Variants in LRRFIP2 observed in about 807,000 individuals in gnomAD.
The protein encoded by LRRFIP2 is LRR binding FLII interacting protein 2.
Under a neutral mutation model 125.9 loss-of-function variants are expected in LRRFIP2, and 109 were observed. That is an observed-to-expected ratio of 0.87 (90% CI 0.74 to 1.01). The LOEUF (loss-of-function observed/expected upper bound fraction) is 1.01. LRRFIP2 is among the 50% of genes least tolerant of loss of function. LRRFIP2 has a pLI of 0.00. For missense variants in LRRFIP2, 850 were observed against 862.3 expected (o/e 0.99, Z 0.18); for synonymous variants, 291 against 293.1 (o/e 0.99, Z 0.07).
intron 21 of LRRFIP2, among the ~76,000 whole-genome samples, chr3:37,070,973 T>C (rs1399813558): frequency 8.0e-6 from 1 of 125,164 alleles, no homozygotes; most frequent in Non-Finnish European, 1.9e-5. Flanking sequence ...ATTACCTACT[T>C]TGCCCCACGT....
At chr3:37,171,468 C>G (rs1191538736) in intron 1 of LRRFIP2, among the ~76,000 whole-genome samples, 1 of 151,580 alleles carries the variant, frequency 6.6e-6, no homozygotes, top group Non-Finnish European at 1.5e-5. Context: ...TCTCTAGTGT[C>G]TCTCTCATTT....
intron 21 of LRRFIP2, among the ~76,000 whole-genome samples, chr3:37,070,008 A>G (rs1489584489): frequency 6.6e-6 from 1 of 152,156 alleles, no homozygotes; most frequent in African/African-American, 2.4e-5. Context: ...TATCTTCACC[A>G]TATCAAGGGC....
intron 18 of LRRFIP2, among the ~76,000 whole-genome samples, chr3:37,090,945 T>C (rs1163274270): frequency 6.6e-6 from 1 of 152,248 alleles, no homozygotes; most frequent in South Asian, 2.1e-4. Flanking sequence ...TATGCAACAC[T>C]TTTTCATTTA....
intron 20 of LRRFIP2, 102 bp downstream of exon 20, chr3:37,074,921 CA>C (rs1409134925): frequency 1.3e-6 from 1 of 744,248 alleles, no homozygotes; most frequent in African/African-American, 1.7e-5. Context: ...TATAAAGAGA[CA>C]AACTCTGATG....
intron 20 of LRRFIP2, among the ~76,000 whole-genome samples, chr3:37,073,968 A>T (rs1478823445): frequency 1.3e-5 from 2 of 152,226 alleles, no homozygotes; most frequent in Non-Finnish European, 2.9e-5. Flanking sequence ...ATATGGAGAA[A>T]AACCAAGAAA....
chr3:37,082,099 CATGAGATTTT>C (rs1328282381), intron 19 of LRRFIP2, among the ~76,000 whole-genome samples: 2 of 151,968 alleles, frequency 1.3e-5, no homozygotes, highest in Non-Finnish European at 2.9e-5. Context: ...AAATACTTAG[CATGAGATTTT>C]TACTCTAGTC....
chr3:37,156,573 C>G (rs34276899), intron 1 of LRRFIP2, among the ~76,000 whole-genome samples: 1 of 142,984 alleles, frequency 7.0e-6, no homozygotes, highest in African/African-American at 2.6e-5. Flanking sequence ...ACTCGGGAGG[C>G]TGAGGCAGGA....
chr3:37,088,270 T>G (rs2093206244), intron 18 of LRRFIP2, among the ~76,000 whole-genome samples: 1 of 152,190 alleles, frequency 6.6e-6, no homozygotes, highest in South Asian at 2.1e-4. Context: ...TGGCAAGACT[T>G]ACCCCTACAG....
Position 37,115,147 on chromosome 3 carries a change from AAAG to A in LRRFIP2, c.331-55_331-53del, listed in dbSNP as rs539239845. 326 of 1,277,906 alleles carry A rather than the reference AAAG, an allele frequency of 2.6e-4. No individual in the cohort carries two copies. The African/African-American group carries it at 4.1e-3, about 16-fold the overall frequency. The allele number at this position is 1,277,906 out of a possible 1,614,324, so 79.2% of individuals were successfully genotyped here. On this transcript the variant is annotated intron_variant, in intron 6 of 27. Coordinates refer to ENST00000336686, the MANE Select transcript of LRRFIP2 (RefSeq NM_006309.4). ...GGTTTGTTTCCAAATTCAGAAATATAAAGAAGAGAAGAAGTAATATTTGAGGTT... is the reference window on the plus strand; with the variant it reads ...GGTTTGTTTCCAAATTCAGAAATATAAAGAGAAGAAGTAATATTTGAGGTT...
intron 1 of LRRFIP2, among the ~76,000 whole-genome samples, chr3:37,166,510 G>C (rs2096492509): frequency 6.6e-6 from 1 of 152,054 alleles, no homozygotes; most frequent in Admixed American, 6.6e-5. Context: ...CAATTAAAAA[G>C]ATAAAAGACA....
intron 14 of LRRFIP2, 132 bp from the exon 15 acceptor site, chr3:37,103,145 G>A: frequency 1.0e-5 from 6 of 586,642 alleles, no homozygotes; most frequent in Non-Finnish European, 1.5e-5. Context: ...AATAAAATGA[G>A]GAAACTGCTG....
intron 1 of LRRFIP2, among the ~76,000 whole-genome samples, chr3:37,158,878 G>T (rs534971358): frequency 6.6e-6 from 1 of 152,174 alleles, no homozygotes; most frequent in East Asian, 1.9e-4. Flanking sequence ...CTGAGAATTT[G>T]CAAGGCACTA....
At chr3:37,147,961 A>G (rs2095900907) in intron 2 of LRRFIP2, among the ~76,000 whole-genome samples, 1 of 152,184 alleles carries the variant, frequency 6.6e-6, no homozygotes, top group South Asian at 2.1e-4. Flanking sequence ...AAGTTCTGTT[A>G]CCAGCTAACA....
rs149007674 is a variant in LRRFIP2, at chr3:37,065,015, T to G, written c.1699+795A>C. ...CATTAGAGAATGTGCTTACTAACTTTCAAAATGTTTTTCAGTTTGCTTCAC... is the reference window on the plus strand; with the variant it reads ...CATTAGAGAATGTGCTTACTAACTTGCAAAATGTTTTTCAGTTTGCTTCAC... On this transcript the variant is annotated intron_variant, in intron 23 of 27. Transcript: ENST00000336686. The G allele has an allele frequency of 4.5e-3, 685 of 153,050 alleles. 4 individuals are homozygous for G. The highest frequency in any genetic ancestry group is 0.037 in the Middle Eastern group (11 of 294). 9.5% of individuals were successfully genotyped at this position (153,050 alleles called of 1,614,324 possible).
At chr3:37,059,258 A>G (rs2087808700) in intron 24 of LRRFIP2, among the ~76,000 whole-genome samples, 1 of 152,096 alleles carries the variant, frequency 6.6e-6, no homozygotes, top group Non-Finnish European at 1.5e-5. Flanking sequence ...GTACCTATGT[A>G]TCAGGCTACT....
intron 7 of LRRFIP2, 42 bp from the exon 8 acceptor site, chr3:37,113,022 C>A: frequency 8.9e-7 from 1 of 1,125,452 alleles, no homozygotes; most frequent in Non-Finnish European, 1.3e-6. Context: ...GATTGCATAG[C>A]GAAGTTATGA....
chr3:37,058,827 C>G lies in LRRFIP2; in HGVS notation c.1833G>C (p.Leu611=). 1 of 1,614,122 alleles carries G rather than the reference C, an allele frequency of 6.2e-7. No homozygotes were observed. Among genetic ancestry groups the G allele is most frequent in the Middle Eastern group, 1.7e-4 (1 of 6,058 alleles). Residue 611 remains leucine, a synonymous_variant, in exon 25 of 28, where the codon CTG becomes CTC. Coordinates refer to ENST00000336686, the MANE Select transcript of LRRFIP2 (RefSeq NM_006309.4). The part of the protein sequence containing the change: ...NDGTVGDLAG[L]QNGSDLQFIE... Reference sequence around the variant, plus strand: ...TGAACTGCAAGTCTGAGCCATTCTGCAGTCCTGCCAGGTCACCCACTGTGC... The same window carrying G: ...TGAACTGCAAGTCTGAGCCATTCTGGAGTCCTGCCAGGTCACCCACTGTGC...
chr3:37,105,902 T>C (rs1227530276), intron 13 of LRRFIP2, among the ~76,000 whole-genome samples: 2 of 152,240 alleles, frequency 1.3e-5, no homozygotes, highest in South Asian at 4.2e-4. Flanking sequence ...CCGTCTCTAC[T>C]AAAAATACAA....
At chr3:37,121,815 T>C (rs1230424558) in intron 4 of LRRFIP2, 124 bp from the exon 5 acceptor site, 3 of 822,224 alleles carry the variant, frequency 3.6e-6, no homozygotes, top group East Asian at 5.0e-5. Flanking sequence ...CAGGTTTGGA[T>C]AACTTATCTT....
Sources: allele counts gnomAD v4.1 joint callset (sites outside exome capture counted in the v4.1 genomes callset), GRCh38; gene constraint gnomAD v4.1.1; transcripts MANE v1.5; gene names NCBI Gene and HGNC (gene_info 2026-07-23, HGNC 2026-07-21).